The following WWC2 variants were observed in gnomAD, a reference collection of about 807,000 sequenced individuals.
WWC2 encodes the protein WW and C2 domain containing 2, also known as protein WWC2.
WWC2 carries 101 observed loss-of-function variants against 138.5 expected under a neutral mutation model. The ratio of observed to expected loss-of-function variants is 0.73; its 90% CI spans 0.62 to 0.86. The LOEUF is 0.86. Ranked by LOEUF, WWC2 falls within the 40% of genes least tolerant of loss-of-function variation. The pLI is 0.00. For missense variants in WWC2, 1,420 were observed against 1,419.4 expected, an observed-to-expected ratio of 1.00 and a Z score of -0.01; for synonymous variants, 558 against 538.4, an observed-to-expected ratio of 1.04 and a Z score of -0.50.
intron 4 of WWC2, among the ~76,000 whole-genome samples, chr4:183,217,866 A>G (rs1475676799): frequency 6.6e-6 from 1 of 152,172 alleles, no homozygotes; most frequent in East Asian, 1.9e-4. Flanking sequence ...AATTATTTGC[A>G]GAAACTGAAA....
chr4:183,200,782 G>T (rs1330178114), intron 2 of WWC2, among the ~76,000 whole-genome samples: 1 of 152,210 alleles, frequency 6.6e-6, no homozygotes, highest in Non-Finnish European at 1.5e-5. Context: ...AAGCCAAGAA[G>T]AATCAGGGAG....
chr4:183,199,313 A>T (rs566250487), intron 2 of WWC2, among the ~76,000 whole-genome samples: 2,004 of 152,270 alleles, frequency 0.013, 49 homozygotes, highest in African/African-American at 0.044. Flanking sequence ...TCTTTAATTA[A>T]GCCTGTTCCA....
chr4:183,196,516 T>G (rs1735146554), intron 2 of WWC2, among the ~76,000 whole-genome samples: 1 of 152,238 alleles, frequency 6.6e-6, no homozygotes, highest in African/African-American at 2.4e-5. Flanking sequence ...ATAACTTCAG[T>G]TACTTCCTTC....
chr4:183,168,615 A>C (rs1734189157), intron 1 of WWC2, among the ~76,000 whole-genome samples: 1 of 152,150 alleles, frequency 6.6e-6, no homozygotes, highest in Admixed American at 6.5e-5. Flanking sequence ...TGTTGGGGCC[A>C]CATCAATGTC....
rs775405843 is a variant in WWC2, at chr4:183,319,697, A to C, written c.*3968A>C. On this transcript the variant is annotated 3_prime_UTR_variant, in exon 23 of 23. Transcript: ENST00000403733. ...GCAGACACCCTCCTAGCAGAAGAGA[A>C]AGTCCAGCAAACCAGCCCAGAAACA... 1.1e-5 allele frequency: 18 copies of C among 1,613,990 alleles called. No individual in the cohort carries two copies. Among genetic ancestry groups the C allele is most frequent in the Non-Finnish European group, 1.5e-5 (18 of 1,180,028 alleles).
In WWC2 at chr4:183,099,520, T is replaced by C. The variant is rs1299663811; in HGVS notation, c.29T>C (p.Leu10Pro). Residue 10 changes from leucine to proline, a missense_variant, in exon 1 of 23, where the codon CTG (leucine) becomes CCG (proline). Physicochemically the swap from Leu to Pro is moderately conservative, Grantham distance 98. Coordinates refer to ENST00000403733, the MANE Select transcript of WWC2 (RefSeq NM_024949.6). MPRRAGSGQ[L>P]PLPRGWEEAR... ...CCTAGGAGGGCCGGGAGCGGTCAGC[T>C]GCCGCTGCCCCGGGGCTGGGAGGAG... is the stretch of plus-strand genomic sequence containing the variant. 5 of 1,392,800 alleles carry C rather than the reference T, an allele frequency of 3.6e-6. No homozygotes were observed. The highest frequency in any genetic ancestry group is 1.9e-4 in the Middle Eastern group (1 of 5,206). 86.3% of individuals were successfully genotyped at this position (1,392,800 alleles called of 1,614,324 possible). A position where few individuals can be genotyped will look rare whatever the true frequency, so the allele number is the denominator to read the frequency against.
rs1739601315 is a variant in WWC2, at chr4:183,320,275, A to G, written c.*4546A>G. The G allele has an allele frequency of 1.4e-6, 2 of 1,468,180 alleles. No individual in the cohort carries two copies. Among genetic ancestry groups the G allele is most frequent in the Admixed American group, 3.9e-5 (2 of 50,670 alleles). The allele number at this position is 1,468,180 out of a possible 1,614,324, so 90.9% of individuals were successfully genotyped here. On this transcript the variant is annotated 3_prime_UTR_variant, in exon 23 of 23. Coordinates refer to ENST00000403733, the MANE Select transcript of WWC2 (RefSeq NM_024949.6). ...CTCCTGCCCTTCGGTTGCTGTGAAAAGAAGTGTGACACTTGTGTTATAACT... is the reference window on the plus strand; with the variant it reads ...CTCCTGCCCTTCGGTTGCTGTGAAAGGAAGTGTGACACTTGTGTTATAACT...
intron 21 of WWC2, among the ~76,000 whole-genome samples, chr4:183,292,977 T>G (rs1738509468): frequency 6.6e-6 from 1 of 152,184 alleles, no homozygotes; most frequent in Non-Finnish European, 1.5e-5. Context: ...TTTGAGACAG[T>G]GTTTCTTTCG....
chr4:183,131,532 T>C (rs1267678187), intron 1 of WWC2, among the ~76,000 whole-genome samples: 2 of 152,162 alleles, frequency 1.3e-5, no homozygotes, highest in East Asian at 1.9e-4. Flanking sequence ...TTCATCTTCT[T>C]ATTGGTTTGT....
intron 4 of WWC2, among the ~76,000 whole-genome samples, chr4:183,211,785 G>C (rs2111246815): frequency 6.6e-6 from 1 of 151,854 alleles, no homozygotes; most frequent in Non-Finnish European, 1.5e-5. Context: ...CAGAAACAGT[G>C]CGATGTTTGG....
intron 4 of WWC2, among the ~76,000 whole-genome samples, chr4:183,216,620 T>C (rs1376362670): frequency 6.6e-6 from 1 of 152,168 alleles, no homozygotes; most frequent in East Asian, 1.9e-4. Flanking sequence ...AATTCTTAAC[T>C]GAAAGGAAAC....
chr4:183,298,128 C>G (rs908846072), intron 21 of WWC2, among the ~76,000 whole-genome samples: 1 of 152,158 alleles, frequency 6.6e-6, no homozygotes, highest in Non-Finnish European at 1.5e-5. Flanking sequence ...TTTTCTAGTT[C>G]TTGCTAAGAA....
chr4:183,179,018 T>A (rs1734544934), intron 1 of WWC2, among the ~76,000 whole-genome samples: 1 of 152,236 alleles, frequency 6.6e-6, no homozygotes, highest in Non-Finnish European at 1.5e-5. Context: ...AACTGTGATC[T>A]AAGCTTATTG....
intron 21 of WWC2, among the ~76,000 whole-genome samples, chr4:183,296,761 C>G (rs964088708): frequency 3.0e-4 from 45 of 151,672 alleles, no homozygotes; most frequent in Middle Eastern, 3.4e-3. Context: ...GTGAAACCCC[C>G]TCTCTACTAA....
chr4:183,104,016 A>G (rs1038323517), intron 1 of WWC2, among the ~76,000 whole-genome samples: 58 of 147,068 alleles, frequency 3.9e-4, no homozygotes, highest in South Asian at 2.2e-3. Context: ...CTAGAGTGCA[A>G]TGGCGCGATG....
intron 8 of WWC2, among the ~76,000 whole-genome samples, chr4:183,250,769 C>T (rs1231693976): frequency 6.6e-6 from 1 of 152,136 alleles, no homozygotes; most frequent in Admixed American, 6.5e-5. Flanking sequence ...TTTAGGAGGA[C>T]ATTGGGAGAA....
At chr4:183,220,577 G>GT (rs1735895512) in intron 4 of WWC2, among the ~76,000 whole-genome samples, 1 of 151,408 alleles carries the variant, frequency 6.6e-6, no homozygotes, top group African/African-American at 2.4e-5. Context: ...GCTCACGCCT[G>GT]TAATTCCAGC....
intron 1 of WWC2, among the ~76,000 whole-genome samples, chr4:183,159,278 T>C (rs756789804): frequency 2.6e-5 from 4 of 152,244 alleles, no homozygotes; most frequent in Non-Finnish European, 4.4e-5. Flanking sequence ...CATGGATTTA[T>C]GTAGTCCCAC....
At chr4:183,292,313 G>T (rs1012862367) in intron 21 of WWC2, among the ~76,000 whole-genome samples, 1 of 151,714 alleles carries the variant, frequency 6.6e-6, no homozygotes, top group Non-Finnish European at 1.5e-5. Flanking sequence ...TTTGAGACCA[G>T]CCTGAGTGAC....
Sources: gnomAD v4.1 joint callset for allele counts (sites outside exome capture counted in the v4.1 genomes callset) on GRCh38, gnomAD v4.1.1 for gene constraint, MANE v1.5 for transcripts, NCBI Gene and HGNC (gene_info 2026-07-23, HGNC 2026-07-21) for gene names.